ZNF420: variants seen among roughly 807,000 people sequenced by gnomAD.
The protein encoded by ZNF420 is zinc finger protein 420, also known as ATM and p53-associated KZNF protein.
A neutral mutation model predicts 44.7 loss-of-function variants in ZNF420; 31 were observed. The ratio of observed to expected loss-of-function variants is 0.69; its 90% CI spans 0.52 to 0.94. ZNF420 has a LOEUF of 0.94. ZNF420 is among the 40% of genes least tolerant of loss of function. ZNF420 has a pLI of 0.00. For missense variants in ZNF420, 681 were observed against 827.9 expected (o/e 0.82, Z 2.18); for synonymous variants, 245 against 267.4 (o/e 0.92, Z 0.82).
At chr19:37,060,707 G>GT (rs1286334626) in intron 1 of ZNF420, among the ~76,000 whole-genome samples, 1 of 152,066 alleles carries the variant, frequency 6.6e-6, no homozygotes, top group Non-Finnish European at 1.5e-5. Flanking sequence ...CACCTCATGT[G>GT]TGGGGGGGAT....
chr19:37,008,532 G>A (rs1447885757), intron 1 of ZNF420, among the ~76,000 whole-genome samples: 2 of 152,204 alleles, frequency 1.3e-5, no homozygotes, highest in Non-Finnish European at 2.9e-5. Flanking sequence ...AGCATCAGAA[G>A]AGCTCATTGT....
At chr19:37,032,314 G>A (rs544976596) in intron 1 of ZNF420, among the ~76,000 whole-genome samples, 1 of 150,902 alleles carries the variant, frequency 6.6e-6, no homozygotes, top group Non-Finnish European at 1.5e-5. Flanking sequence ...CCTGGTGACA[G>A]AGCAAGACTC....
intron 1 of ZNF420, among the ~76,000 whole-genome samples, chr19:37,037,746 A>G (rs1030465758): frequency 5.3e-5 from 8 of 152,204 alleles, no homozygotes; most frequent in Non-Finnish European, 1.0e-4. Context: ...TGATCCGTCC[A>G]CCTTGGCCTC....
upstream of ZNF420, among the ~76,000 whole-genome samples, chr19:37,077,217 GC>G (rs918838027): frequency 3.3e-5 from 5 of 152,300 alleles, no homozygotes; most frequent in Admixed American, 1.3e-4. Flanking sequence ...CTTTCTGCCG[GC>G]CAAGGTTTTC....
At chr19:37,072,659 A>G (rs146442951) in intron 1 of ZNF420, among the ~76,000 whole-genome samples, 366 of 152,356 alleles carry the variant, frequency 2.4e-3, no homozygotes, top group Non-Finnish European at 4.2e-3. Flanking sequence ...ATAGATGGCC[A>G]TTGTGAATGA....
intron 4 of ZNF420, among the ~76,000 whole-genome samples, chr19:37,112,498 C>A (rs1970434116): frequency 6.6e-6 from 1 of 152,074 alleles, no homozygotes; most frequent in African/African-American, 2.4e-5. Flanking sequence ...TTTGTTTAGG[C>A]CAATTTTTTG....
upstream of ZNF420, among the ~76,000 whole-genome samples, chr19:37,075,538 C>G (rs1164622091): frequency 6.6e-6 from 1 of 152,014 alleles, no homozygotes; most frequent in African/African-American, 2.4e-5. Context: ...GTCAGGAGTT[C>G]GAGACCAGCC....
chr19:37,129,949 A>T lies in ZNF420; in HGVS notation c.*891A>T, dbSNP rs1599738108. The T allele has an allele frequency of 1.4e-6, 2 of 1,396,652 alleles. No individual in the cohort carries two copies. The highest frequency in any genetic ancestry group is 5.4e-5 in the East Asian group (2 of 37,282). The allele number at this position is 1,396,652 out of a possible 1,614,324, so 86.5% of individuals were successfully genotyped here. A position where few individuals can be genotyped will look rare whatever the true frequency, so the allele number is the denominator to read the frequency against. On this transcript the variant is annotated 3_prime_UTR_variant, in exon 5 of 5. Coordinates refer to ENST00000337995, the MANE Select transcript of ZNF420 (RefSeq NM_144689.5). ...ACAGACTATTTTGCAATGAAAAATG[A>T]TGAGAGTTTGTGATACAGACTGCTT...
At chr19:37,111,271 C>G (rs1326197117) in intron 4 of ZNF420, among the ~76,000 whole-genome samples, 1 of 152,112 alleles carries the variant, frequency 6.6e-6, no homozygotes, top group Non-Finnish European at 1.5e-5. Context: ...CTTTTGTTGC[C>G]TCTCGGGTTA....
At chr19:37,017,710 A>G (rs900147565) in intron 1 of ZNF420, among the ~76,000 whole-genome samples, 1 of 152,220 alleles carries the variant, frequency 6.6e-6, no homozygotes, top group Non-Finnish European at 1.5e-5. Flanking sequence ...CACAGTGGAC[A>G]GCACACTCGG....
At chr19:37,076,429 G>A (rs966721981), upstream of ZNF420, among the ~76,000 whole-genome samples, 4 of 152,074 alleles carry the variant, frequency 2.6e-5, no homozygotes, top group Non-Finnish European at 4.4e-5. Context: ...CAACGTGCAG[G>A]TTTGTTACAT....
At chr19:37,053,215 G>C (rs1967672429) in intron 1 of ZNF420, among the ~76,000 whole-genome samples, 1 of 152,086 alleles carries the variant, frequency 6.6e-6, no homozygotes, top group Admixed American at 6.5e-5. Flanking sequence ...GGCTCCATCA[G>C]GTCCTTTAAG....
intron 1 of ZNF420, among the ~76,000 whole-genome samples, chr19:37,057,656 G>A (rs1249460855): frequency 2.0e-5 from 3 of 151,964 alleles, no homozygotes; most frequent in Admixed American, 2.0e-4. Context: ...AATCGTTTTC[G>A]TGGTGGTTCC....
At chr19:37,126,979 G>A (rs768628870) in intron 4 of ZNF420, 149 bp from the exon 5 acceptor site, 7 of 536,030 alleles carry the variant, frequency 1.3e-5, no homozygotes, top group Non-Finnish European at 2.1e-5. Flanking sequence ...AGGTTGTGAT[G>A]TGAAAGGTAG....
At chr19:37,104,736 GT>G in intron 4 of ZNF420, among the ~76,000 whole-genome samples, 1 of 152,184 alleles carries the variant, frequency 6.6e-6, no homozygotes, top group Non-Finnish European at 1.5e-5. Context: ...CTGATGGCCA[GT>G]TGATGATGAG....
intron 1 of ZNF420, among the ~76,000 whole-genome samples, chr19:37,067,638 A>G (rs372009112): frequency 5.3e-5 from 8 of 152,350 alleles, no homozygotes; most frequent in African/African-American, 1.9e-4. Flanking sequence ...TTCAAGAATT[A>G]GAAGTTTTTA....
chr19:37,089,606 A>G (rs1969022890), intron 3 of ZNF420, among the ~76,000 whole-genome samples: 1 of 152,224 alleles, frequency 6.6e-6, no homozygotes, highest in Non-Finnish European at 1.5e-5. Context: ...CCCCAGGAAC[A>G]TATAATTTAA....
chr19:37,116,382 A>AG (rs1342027257), intron 4 of ZNF420, among the ~76,000 whole-genome samples: 1 of 151,766 alleles, frequency 6.6e-6, no homozygotes, highest in East Asian at 1.9e-4. Context: ...AAAAAAAAAA[A>AG]AAAAAAAAGA....
rs552384796 is a variant in ZNF420 at position 37,057,439 on chromosome 19, G to A, written c.-124-22906G>A. ...TTCTGTGCCACTGCTGTATGTCTGT[G>A]TGTGTGTCTCCCATTCTCTCTTATC... is the stretch of plus-strand genomic sequence containing the variant. On this transcript the variant is annotated intron_variant, in intron 1 of 4. Transcript: ENST00000587029. Among the ~76,000 whole-genome samples, 5 of 152,036 alleles carry A rather than the reference G, an allele frequency of 3.3e-5. No homozygotes were observed. In the South Asian group the frequency reaches 1.0e-3, roughly 32 times the overall value.
Sources: allele counts gnomAD v4.1 joint callset (sites outside exome capture counted in the v4.1 genomes callset), GRCh38; gene constraint gnomAD v4.1.1; transcripts MANE v1.5; gene names NCBI Gene and HGNC (gene_info 2026-07-23, HGNC 2026-07-21).